The following ARL13B variants were observed in gnomAD, a reference collection of about 807,000 sequenced individuals.
ARL13B encodes the protein ARF like GTPase 13B.
ARL13B carries 36 observed loss-of-function variants against 56.1 expected under a neutral mutation model. The ratio of observed to expected loss-of-function variants is 0.64; its 90% CI spans 0.49 to 0.85. The LOEUF is 0.85. Ranked by LOEUF, ARL13B falls within the 40% of genes least tolerant of loss-of-function variation. The pLI is 0.00. For missense variants in ARL13B, 519 were observed against 507.1 expected, an observed-to-expected ratio of 1.02 and a Z score of -0.23; for synonymous variants, 178 against 171.1, an observed-to-expected ratio of 1.04 and a Z score of -0.32.
At chr3:94,005,369 T>G (rs1332952524) in intron 3 of ARL13B, among the ~76,000 whole-genome samples, 1 of 152,182 alleles carries the variant, frequency 6.6e-6, no homozygotes, top group African/African-American at 2.4e-5. Flanking sequence ...GCTCTTATAA[T>G]TAGAATGATC....
chr3:94,009,952 G>GA (rs758152568), intron 3 of ARL13B, among the ~76,000 whole-genome samples: 1 of 152,008 alleles, frequency 6.6e-6, no homozygotes, highest in Non-Finnish European at 1.5e-5. Flanking sequence ...CAAAATAACA[G>GA]AAAAAAACTC....
chr3:93,997,837 A>G (rs913334034), intron 2 of ARL13B, among the ~76,000 whole-genome samples: 3 of 152,156 alleles, frequency 2.0e-5, no homozygotes, highest in African/African-American at 7.2e-5. Context: ...AAATACCAAA[A>G]TTAGCTAGGT....
chr3:94,029,424 T>C (rs1344972448), intron 3 of ARL13B, among the ~76,000 whole-genome samples: 1 of 145,226 alleles, frequency 6.9e-6, no homozygotes, highest in Non-Finnish European at 1.5e-5. Flanking sequence ...CTTGGCTCAC[T>C]GCAACCTCCG....
chr3:94,032,358 C>A (rs1205261738), intron 3 of ARL13B, among the ~76,000 whole-genome samples: 1 of 152,208 alleles, frequency 6.6e-6, no homozygotes, highest in African/African-American at 2.4e-5. Flanking sequence ...AATACCATCT[C>A]ACACCAGTCA....
chr3:94,041,943 G>A (rs868480559), intron 6 of ARL13B, among the ~76,000 whole-genome samples: 65 of 152,202 alleles, frequency 4.3e-4, no homozygotes, highest in Middle Eastern at 3.4e-3. Context: ...TATAATCCCA[G>A]CTACTCCGGA....
intron 6 of ARL13B, among the ~76,000 whole-genome samples, chr3:94,040,701 T>G (rs993979078): frequency 1.3e-5 from 2 of 151,622 alleles, no homozygotes; most frequent in East Asian, 3.9e-4. Context: ...TTTTTTTTTT[T>G]GTCTCCATTC....
rs191420072 is a variant in ARL13B, at chr3:94,004,204, T to C, written c.380+296T>C. Reference sequence around the variant, plus strand: ...AATTTTGCATTTTGAAATACTCCATTAACAAGGTTCTAAAATATCTTTTAA... The same window carrying C: ...AATTTTGCATTTTGAAATACTCCATCAACAAGGTTCTAAAATATCTTTTAA... On this transcript the variant is annotated intron_variant, in intron 3 of 9. Transcript: ENST00000394222. Among the ~76,000 whole-genome samples the C allele has an allele frequency of 1.1e-4, 16 of 152,282 alleles. No individual in the cohort carries two copies. In the East Asian group the frequency reaches 3.1e-3, roughly 29 times the overall value.
chr3:94,043,032 A>G lies in ARL13B; in HGVS notation c.816A>G (p.Glu272=), dbSNP rs2076888962. 6.2e-7 allele frequency: 1 copy of G among 1,609,666 alleles called. No homozygotes were observed. Among genetic ancestry groups the G allele is most frequent in the Non-Finnish European group, 8.5e-7 (1 of 1,178,520 alleles). The change falls in exon 7 of 10, where the codon GAA becomes GAG. Residue 272 remains glutamate (E), a synonymous_variant. Coordinates refer to ENST00000394222, the MANE Select transcript of ARL13B (RefSeq NM_001174150.2). The part of the protein sequence containing the change: ...SVIIENEGKL[E]REKKNQKMEK... ...TTTGTTAGAATGAAGGAAAACTTGAAAGAGAGAAAAAAAACCAAAAAATGG... is the reference window on the plus strand; with the variant it reads ...TTTGTTAGAATGAAGGAAAACTTGAGAGAGAGAAAAAAAACCAAAAAATGG...
chr3:94,025,386 G>A (rs1353187140), intron 3 of ARL13B, among the ~76,000 whole-genome samples: 2 of 152,122 alleles, frequency 1.3e-5, no homozygotes, highest in East Asian at 3.8e-4. Flanking sequence ...TTTAAAGTGA[G>A]CTATAAAGGT....
intron 3 of ARL13B, among the ~76,000 whole-genome samples, chr3:94,024,062 T>C (rs973516725): frequency 1.2e-4 from 19 of 152,226 alleles, no homozygotes; most frequent in African/African-American, 2.2e-4. Flanking sequence ...CTTCAACTCA[T>C]AGTCATCTAA....
chr3:93,994,871 G>A (rs1354560003), intron 1 of ARL13B, among the ~76,000 whole-genome samples: 1 of 151,568 alleles, frequency 6.6e-6, no homozygotes, highest in African/African-American at 2.4e-5. Context: ...AGAAATGAAA[G>A]GACACCCTTT....
At chr3:94,005,349 A>G (rs542955427) in intron 3 of ARL13B, among the ~76,000 whole-genome samples, 4 of 152,326 alleles carry the variant, frequency 2.6e-5, no homozygotes, top group Non-Finnish European at 5.9e-5. Flanking sequence ...AGTGATGACA[A>G]GGGTCTGTTG....
intron 1 of ARL13B, chr3:93,988,625 T>C (rs1710583160): frequency 2.0e-6 from 1 of 493,552 alleles, no homozygotes; most frequent in Admixed American, 2.2e-5. Flanking sequence ...AGACATGGTA[T>C]ATGATATTAA....
intron 5 of ARL13B, among the ~76,000 whole-genome samples, chr3:94,036,965 T>G (rs1050731503): frequency 2.0e-5 from 3 of 152,210 alleles, no homozygotes; most frequent in Non-Finnish European, 4.4e-5. Context: ...TTAAATTTAC[T>G]CCTTACGTAG....
In ARL13B at chr3:94,014,901, A is replaced by G. The variant is rs537158321; in HGVS notation, c.380+10993A>G. The stretch of plus-strand genomic sequence containing the variant: ...TCCTTGTGACCACTGAAGATGGACC[A>G]TTTTCAACCTCTGACTTTTTAACTT... On this transcript the variant is annotated intron_variant, in intron 3 of 9. Transcript: ENST00000394222. 9.3e-6 allele frequency: 15 copies of G among 1,613,550 alleles called. No individual in the cohort carries two copies. The South Asian group carries it at 1.4e-4, about 15-fold the overall frequency.
At chr3:94,028,807 G>A (rs1413318772) in intron 3 of ARL13B, among the ~76,000 whole-genome samples, 1 of 152,060 alleles carries the variant, frequency 6.6e-6, no homozygotes, top group Admixed American at 6.6e-5. Context: ...TTAAACAAAG[G>A]TTACTTTCTT....
intron 1 of ARL13B, among the ~76,000 whole-genome samples, chr3:93,988,335 A>G (rs1710568767): frequency 6.6e-6 from 1 of 152,126 alleles, no homozygotes; most frequent in Non-Finnish European, 1.5e-5. Flanking sequence ...TATATTTTGT[A>G]TTACAGTATA....
At chr3:94,020,043 A>G (rs2076415950) in intron 3 of ARL13B, among the ~76,000 whole-genome samples, 1 of 152,044 alleles carries the variant, frequency 6.6e-6, no homozygotes, top group African/African-American at 2.4e-5. Flanking sequence ...TTAACATACC[A>G]TGTATTTTAC....
In ARL13B at chr3:94,043,019, A is replaced by G; in HGVS notation, c.803A>G (p.Glu268Gly). 1 of 1,605,616 alleles carries G rather than the reference A, an allele frequency of 6.2e-7. No homozygotes were observed. The highest frequency in any genetic ancestry group is 8.5e-7 in the Non-Finnish European group (1 of 1,176,102). ...ATGTATTTTATTTTTTGTTAGAATG[A>G]AGGAAAACTTGAAAGAGAGAAAAAA... ...QPIASVIIEN[E>G]GKLEREKKNQ... Residue 268 changes from glutamate to glycine, a missense_variant, in exon 7 of 10, where the codon GAA becomes GGA. Transcript: ENST00000394222.
Sources: allele counts gnomAD v4.1 joint callset (sites outside exome capture counted in the v4.1 genomes callset), GRCh38; gene constraint gnomAD v4.1.1; transcripts MANE v1.5; gene names NCBI Gene and HGNC (gene_info 2026-07-23, HGNC 2026-07-21).